The following PDE11A variants were observed in gnomAD, a reference collection of about 807,000 sequenced individuals.
PDE11A encodes the protein dual 3',5'-cyclic-AMP and -GMP phosphodiesterase 11A.
In PDE11A, 100 loss-of-function variants were observed where a neutral mutation model predicts 100.5. The observed-to-expected ratio is 1.00, with a 90% CI of 0.85 to 1.18. PDE11A has a LOEUF of 1.18. PDE11A is among the 50% of genes most tolerant of loss of function. The pLI, the probability that PDE11A is intolerant of heterozygous loss-of-function variation, is 0.00. For missense variants in PDE11A, 1,141 were observed against 1,152.6 expected (o/e 0.99, Z 0.15); for synonymous variants, 381 against 420.8 (o/e 0.91, Z 1.16).
At chr2:177,687,430 G>A (rs918163831) in intron 15 of PDE11A, 1 of 152,182 alleles carries the variant, frequency 6.6e-6, no homozygotes, top group African/African-American at 2.4e-5. Flanking sequence ...TCATCATAGT[G>A]TATGTATTCT....
intron 19 of PDE11A, among the ~76,000 whole-genome samples, chr2:177,657,686 A>G (rs2080410392): frequency 6.6e-6 from 1 of 151,384 alleles, no homozygotes; most frequent in African/African-American, 2.4e-5. Flanking sequence ...GAAAGCAGAA[A>G]GAGGCGGGTG....
At chr2:177,803,496 C>T (rs2082823555) in intron 9 of PDE11A, among the ~76,000 whole-genome samples, 1 of 151,848 alleles carries the variant, frequency 6.6e-6, no homozygotes, top group African/African-American at 2.4e-5. Context: ...AAAGACACAA[C>T]AAAACAAGAA....
At chr2:177,927,491 C>A (rs1287011619) in intron 2 of PDE11A, among the ~76,000 whole-genome samples, 1 of 152,200 alleles carries the variant, frequency 6.6e-6, no homozygotes, top group Non-Finnish European at 1.5e-5. Context: ...GGATACCAGA[C>A]TGTTGGTTCA....
At chr2:177,880,632 G>A (rs1450310718) in intron 4 of PDE11A, among the ~76,000 whole-genome samples, 3 of 152,076 alleles carry the variant, frequency 2.0e-5, no homozygotes, top group Non-Finnish European at 4.4e-5. Flanking sequence ...ATGGTCTTGG[G>A]AACTCCAAAA....
chr2:177,850,804 A>G (rs2083686985), intron 5 of PDE11A, among the ~76,000 whole-genome samples: 1 of 152,206 alleles, frequency 6.6e-6, no homozygotes. Flanking sequence ...ATCACTGGCC[A>G]TCAGAGAAAT....
intron 1 of PDE11A, among the ~76,000 whole-genome samples, chr2:178,069,029 C>A (rs548464607): frequency 6.6e-6 from 1 of 152,270 alleles, no homozygotes; most frequent in East Asian, 1.9e-4. Context: ...GCTGACTTCA[C>A]ATCTCAGTTC....
chr2:178,032,561 T>C (rs1241949689), intron 1 of PDE11A, among the ~76,000 whole-genome samples: 2 of 151,800 alleles, frequency 1.3e-5, no homozygotes, highest in African/African-American at 4.8e-5. Context: ...AGGGACAGAA[T>C]GCCTCCTCAA....
At chr2:177,945,335 G>T (rs1386980065) in intron 2 of PDE11A, among the ~76,000 whole-genome samples, 3,799 of 139,906 alleles carry the variant, frequency 0.027, 5 homozygotes, top group Non-Finnish European at 0.038. Context: ...GGAAAGTGAG[G>T]AGCGTCTCCG....
At chr2:177,809,526 G>A (rs2082917679) in intron 9 of PDE11A, among the ~76,000 whole-genome samples, 1 of 152,168 alleles carries the variant, frequency 6.6e-6, no homozygotes, top group Non-Finnish European at 1.5e-5. Flanking sequence ...AAAAGAAAAT[G>A]TTGGTGTCTG....
chr2:177,960,250 G>A (rs1026471774), intron 2 of PDE11A, among the ~76,000 whole-genome samples: 2 of 151,880 alleles, frequency 1.3e-5, no homozygotes, highest in African/African-American at 2.4e-5. Context: ...TAGTAGAGAC[G>A]GGGGCCCAAA....
chr2:177,631,717 A>G (rs897183719), intron 19 of PDE11A, among the ~76,000 whole-genome samples: 2 of 149,736 alleles, frequency 1.3e-5, no homozygotes, highest in African/African-American at 4.9e-5. Flanking sequence ...GACAGAATCA[A>G]TGAGAATGTA....
intron 5 of PDE11A, among the ~76,000 whole-genome samples, chr2:177,842,891 C>G (rs2083514324): frequency 2.0e-5 from 3 of 152,136 alleles, no homozygotes; most frequent in African/African-American, 7.2e-5. Context: ...AGTCCAGGAA[C>G]AAAATCCTAT....
At chr2:177,640,732 A>G (rs1418811199) in intron 19 of PDE11A, among the ~76,000 whole-genome samples, 1 of 152,168 alleles carries the variant, frequency 6.6e-6, no homozygotes, top group African/African-American at 2.4e-5. Flanking sequence ...CTACTTTTTT[A>G]TGGGTTGTAG....
chr2:177,732,410 A>C (rs898345946), intron 10 of PDE11A, among the ~76,000 whole-genome samples: 1 of 152,250 alleles, frequency 6.6e-6, no homozygotes, highest in African/African-American at 2.4e-5. Context: ...GCCCTGTCCC[A>C]AAAGACACAA....
At chr2:177,780,611 C>G (rs1483851513) in intron 9 of PDE11A, among the ~76,000 whole-genome samples, 3 of 152,172 alleles carry the variant, frequency 2.0e-5, no homozygotes, top group Non-Finnish European at 4.4e-5. Flanking sequence ...CTGTAACAAC[C>G]TTTATCAATG....
intron 2 of PDE11A, among the ~76,000 whole-genome samples, chr2:177,962,811 A>G (rs2085651105): frequency 6.7e-6 from 1 of 150,090 alleles, no homozygotes; most frequent in African/African-American, 2.5e-5. Flanking sequence ...AATGAACACA[A>G]GTAAACTCAG....
At chr2:177,732,703 A>C (rs903227800) in intron 10 of PDE11A, among the ~76,000 whole-genome samples, 4 of 152,236 alleles carry the variant, frequency 2.6e-5, no homozygotes, top group African/African-American at 7.2e-5. Context: ...CATTACGTTG[A>C]AAATGTAAAA....
chr2:177,809,122 G>A (rs1192289790), intron 9 of PDE11A, among the ~76,000 whole-genome samples: 1 of 152,128 alleles, frequency 6.6e-6, no homozygotes, highest in Non-Finnish European at 1.5e-5. Context: ...GGAGTGGGGA[G>A]TTAGTGTCTC....
At chr2:178,099,725 CAG>C (rs2087538508) in intron 2 of PDE11A, among the ~76,000 whole-genome samples, 1 of 152,068 alleles carries the variant, frequency 6.6e-6, no homozygotes, top group Admixed American at 6.5e-5. Flanking sequence ...AAATTAGACA[CAG>C]AATTATCATG....
Sources: gnomAD v4.1 joint callset for allele counts (sites outside exome capture counted in the v4.1 genomes callset) on GRCh38, gnomAD v4.1.1 for gene constraint, MANE v1.5 for transcripts, NCBI Gene and HGNC (gene_info 2026-07-23, HGNC 2026-07-21) for gene names.